The following CPED1 variants were observed in gnomAD, a reference collection of about 807,000 sequenced individuals.
CPED1 encodes cadherin like and PC-esterase domain containing 1.
A neutral mutation model predicts 128.2 loss-of-function variants in CPED1; 114 were observed. That is an observed-to-expected ratio of 0.89 (90% CI 0.76 to 1.04). The LOEUF is 1.04. Ranked by LOEUF, CPED1 falls within the 50% of genes least tolerant of loss-of-function variation. CPED1 has a pLI of 0.00. For synonymous variants in CPED1, 462 were observed against 426.7 expected (o/e 1.08, Z -1.02); for missense variants, 1,211 against 1,207.1 (o/e 1.00, Z -0.05).
intron 2 of CPED1, among the ~76,000 whole-genome samples, chr7:121,006,284 T>G (rs911284110): frequency 6.6e-6 from 1 of 152,046 alleles, no homozygotes; most frequent in Non-Finnish European, 1.5e-5. Context: ...TAATTGTGGA[T>G]TGTCAATTCT....
intron 2 of CPED1, among the ~76,000 whole-genome samples, chr7:121,006,862 G>C (rs1792028860): frequency 6.6e-6 from 1 of 152,024 alleles, no homozygotes; most frequent in Non-Finnish European, 1.5e-5. Flanking sequence ...AGAGGAGGCT[G>C]AAAAAGATAC....
chr7:121,192,362 T>C (rs1175379805), intron 16 of CPED1, among the ~76,000 whole-genome samples: 1 of 152,172 alleles, frequency 6.6e-6, no homozygotes, highest in South Asian at 2.1e-4. Context: ...TTAGGGCTGC[T>C]CAACTGGTAA....
At chr7:121,219,196 C>T (rs1279693207) in intron 16 of CPED1, among the ~76,000 whole-genome samples, 5 of 151,958 alleles carry the variant, frequency 3.3e-5, no homozygotes, top group East Asian at 1.9e-4. Flanking sequence ...ACCAAAAGTG[C>T]GAGAAACCAC....
chr7:121,131,464 C>A (rs1450098463), intron 12 of CPED1, among the ~76,000 whole-genome samples: 2 of 149,270 alleles, frequency 1.3e-5, no homozygotes, highest in Non-Finnish European at 3.0e-5. Flanking sequence ...GAAAAACAGA[C>A]TTGATTTCCA....
At chr7:121,090,575 T>C (rs1436458857) in intron 5 of CPED1, among the ~76,000 whole-genome samples, 2 of 152,220 alleles carry the variant, frequency 1.3e-5, no homozygotes, top group African/African-American at 4.8e-5. Context: ...AATATACCTT[T>C]ATGTGTTTGG....
chr7:120,995,373 T>G (rs1266454507), intron 2 of CPED1, among the ~76,000 whole-genome samples: 2 of 152,196 alleles, frequency 1.3e-5, no homozygotes, highest in Non-Finnish European at 2.9e-5. Context: ...CACAACAAGG[T>G]TATTCTGAAA....
intron 18 of CPED1, among the ~76,000 whole-genome samples, chr7:121,258,773 C>T (rs1239898377): frequency 6.6e-6 from 1 of 152,000 alleles, no homozygotes; most frequent in Non-Finnish European, 1.5e-5. Flanking sequence ...ATATAGTTGC[C>T]TTCCTGAAGA....
intron 16 of CPED1, among the ~76,000 whole-genome samples, chr7:121,219,411 G>A (rs1797829541): frequency 1.3e-5 from 2 of 151,964 alleles, no homozygotes; most frequent in African/African-American, 4.8e-5. Flanking sequence ...CTAATTTGAA[G>A]GCCATTTAGG....
intron 22 of CPED1, among the ~76,000 whole-genome samples, chr7:121,282,634 C>T (rs1296167950): frequency 1.3e-5 from 2 of 152,188 alleles, no homozygotes; most frequent in East Asian, 1.9e-4. Context: ...CAATGCTGGA[C>T]ACTGAATTTT....
chr7:121,078,747 C>T (rs1371317034), intron 5 of CPED1, among the ~76,000 whole-genome samples: 3 of 152,170 alleles, frequency 2.0e-5, no homozygotes, highest in East Asian at 3.9e-4. Context: ...GCCCACTCTG[C>T]TCAACACTGT....
At chr7:121,004,956 T>C (rs912275853) in intron 2 of CPED1, among the ~76,000 whole-genome samples, 2 of 152,224 alleles carry the variant, frequency 1.3e-5, no homozygotes, top group Non-Finnish European at 2.9e-5. Context: ...CCTATGTATT[T>C]TTATAATGAT....
At chr7:121,096,795 TGCCAGGATGGGTTAGTAGGTATAAATAA>T (rs1442295811) in intron 5 of CPED1, among the ~76,000 whole-genome samples, 1 of 152,122 alleles carries the variant, frequency 6.6e-6, no homozygotes, top group Non-Finnish European at 1.5e-5. Context: ...ATGGAAAGGA[TGCCAGGATGGGTTAGTAGGTATAAATAA>T]GCCAGACATA....
chr7:121,014,558 A>AT (rs1356562449), intron 2 of CPED1, among the ~76,000 whole-genome samples: 2 of 149,424 alleles, frequency 1.3e-5, no homozygotes, highest in Non-Finnish European at 3.0e-5. Context: ...TCAAAAAAAA[A>AT]AAATAATAAT....
At chr7:121,170,773 A>T (rs1216887747) in intron 16 of CPED1, among the ~76,000 whole-genome samples, 2 of 152,196 alleles carry the variant, frequency 1.3e-5, no homozygotes, top group Non-Finnish European at 2.9e-5. Context: ...AAAGGAGGCC[A>T]GGCACGGTGG....
rs76186630 is a variant in CPED1, at chr7:121,046,829, A to C, written c.434-58A>C. The C allele has an allele frequency of 1.6e-5, 18 of 1,118,474 alleles. No individual in the cohort carries two copies. In the East Asian group the frequency reaches 3.0e-4, roughly 19 times the overall value. 69.3% of individuals were successfully genotyped at this position (1,118,474 alleles called of 1,614,324 possible). Reference sequence around the variant, plus strand: ...CATTTTTTAATCTGAAGAATTAAATATTGCTTTTAAAATATCTGATGAAAA... The same window carrying C: ...CATTTTTTAATCTGAAGAATTAAATCTTGCTTTTAAAATATCTGATGAAAA... On this transcript the variant is annotated intron_variant, in intron 3 of 22. Coordinates refer to ENST00000310396, the MANE Select transcript of CPED1 (RefSeq NM_024913.5).
chr7:121,106,843 G>A (rs113024557), intron 7 of CPED1, among the ~76,000 whole-genome samples: 391 of 152,086 alleles, frequency 2.6e-3, no homozygotes, highest in African/African-American at 8.7e-3. Flanking sequence ...TCTTTCTGCC[G>A]TTGCCCAGCA....
chr7:121,040,779 G>T (rs772548184), intron 3 of CPED1, among the ~76,000 whole-genome samples: 3 of 151,798 alleles, frequency 2.0e-5, no homozygotes, highest in Non-Finnish European at 4.4e-5. Context: ...CACCTTAAAG[G>T]AAAAAAACTC....
intron 16 of CPED1, among the ~76,000 whole-genome samples, chr7:121,229,659 ATTTTATTTG>A (rs1798093734): frequency 6.6e-6 from 1 of 152,050 alleles, no homozygotes; most frequent in South Asian, 2.1e-4. Context: ...AAAATTTGAA[ATTTTATTTG>A]TTTGTGGCAG....
chr7:121,243,360 A>C (rs1373675671), intron 17 of CPED1, among the ~76,000 whole-genome samples: 1 of 152,206 alleles, frequency 6.6e-6, no homozygotes, highest in Admixed American at 6.5e-5. Context: ...TTTTTCTACC[A>C]CATTATTAAT....
Sources: allele counts gnomAD v4.1 joint callset (sites outside exome capture counted in the v4.1 genomes callset), GRCh38; gene constraint gnomAD v4.1.1; transcripts MANE v1.5; gene names NCBI Gene and HGNC (gene_info 2026-07-23, HGNC 2026-07-21).